HDAC9: variants seen among roughly 807,000 people sequenced by gnomAD.
HDAC9 encodes MEF-2 interacting transcription repressor (MITR) protein.
In HDAC9, 41 loss-of-function variants were observed where a neutral mutation model predicts 139.4. That is an observed-to-expected ratio of 0.29 (90% CI 0.23 to 0.38). The LOEUF (loss-of-function observed/expected upper bound fraction) is 0.38, where lower values mean the gene tolerates loss of function less well. Ranked by LOEUF, HDAC9 falls within the 10% of genes least tolerant of loss-of-function variation. The pLI is 1.00. For synonymous variants in HDAC9, 517 were observed against 476.2 expected, an observed-to-expected ratio of 1.09 and a Z score of -1.12; for missense variants, 1,147 against 1,297.0, an observed-to-expected ratio of 0.88 and a Z score of 1.78.
chr7:18,256,781 A>G (rs537513362), intron 2 of HDAC9, among the ~76,000 whole-genome samples: 1 of 152,222 alleles, frequency 6.6e-6, no homozygotes, highest in African/African-American at 2.4e-5. Flanking sequence ...ACAGGATTTT[A>G]AGTTTGTTTA....
chr7:18,251,039 A>T (rs1794884666), intron 2 of HDAC9, among the ~76,000 whole-genome samples: 1 of 152,218 alleles, frequency 6.6e-6, no homozygotes, highest in African/African-American at 2.4e-5. Context: ...TCATTCTATT[A>T]TAAAAATACA....
At chr7:18,369,503 C>T (rs1259030648) in intron 1 of HDAC9, among the ~76,000 whole-genome samples, 1 of 150,306 alleles carries the variant, frequency 6.7e-6, no homozygotes, top group East Asian at 1.9e-4. Context: ...TTTTTCTTCT[C>T]TTTTAAATAT....
intron 2 of HDAC9, among the ~76,000 whole-genome samples, chr7:18,255,960 A>G (rs1795214012): frequency 6.6e-6 from 1 of 152,202 alleles, no homozygotes; most frequent in Middle Eastern, 3.4e-3. Flanking sequence ...TCATCATGTG[A>G]TGTGATTAAG....
chr7:18,523,745 G>C (rs1805842077), intron 2 of HDAC9, among the ~76,000 whole-genome samples: 1 of 152,124 alleles, frequency 6.6e-6, no homozygotes, highest in Non-Finnish European at 1.5e-5. Context: ...CATGAGTTGG[G>C]AGAGAAAGGT....
chr7:18,540,140 G>A (rs1812323801), intron 2 of HDAC9, among the ~76,000 whole-genome samples: 1 of 150,680 alleles, frequency 6.6e-6, no homozygotes, highest in South Asian at 2.1e-4. Context: ...AGGAATTGTG[G>A]TGGGTGCCTG....
intron 25 of HDAC9, among the ~76,000 whole-genome samples, chr7:18,992,497 C>T (rs1181809964): frequency 1.3e-5 from 2 of 152,088 alleles, no homozygotes; most frequent in African/African-American, 2.4e-5. Context: ...ATGTAACAGG[C>T]ATTGTATTGC....
chr7:18,159,828 T>G lies in HDAC9; in HGVS notation c.-96-2401T>G, dbSNP rs757660344. 2.6e-5 allele frequency among the ~76,000 whole-genome samples: 4 copies of G among 152,210 alleles called. No individual in the cohort carries two copies. In the South Asian group the frequency reaches 6.2e-4, roughly 24 times the overall value. On this transcript the variant is annotated intron_variant, in intron 1 of 12. Transcript: ENST00000417496. The stretch of plus-strand genomic sequence containing the variant: ...ATTCAGATAACATTTTCATAAATGT[T>G]AGACCAATGTGTCATGTGGAGGCAG...
intron 2 of HDAC9, among the ~76,000 whole-genome samples, chr7:18,177,486 A>C (rs1268260687): frequency 6.6e-6 from 1 of 152,118 alleles, no homozygotes; most frequent in Non-Finnish European, 1.5e-5. Context: ...TCTGTTCAAC[A>C]TGTAGAGCTG....
intron 17 of HDAC9, among the ~76,000 whole-genome samples, chr7:18,794,485 C>G (rs1242632761): frequency 1.3e-5 from 2 of 152,110 alleles, no homozygotes; most frequent in African/African-American, 4.8e-5. Context: ...AGAGTCAGAG[C>G]CTACGGAAAT....
At chr7:18,269,358 T>G (rs1216037811) in intron 2 of HDAC9, among the ~76,000 whole-genome samples, 1 of 152,168 alleles carries the variant, frequency 6.6e-6, no homozygotes, top group Admixed American at 6.5e-5. Flanking sequence ...TAAGAGGTAA[T>G]TTTCCAAGCA....
rs536653591 is a variant in HDAC9 at position 18,946,838 on chromosome 7, A to T, written c.2938-7308A>T. On this transcript the variant is annotated intron_variant, in intron 23 of 25. Coordinates refer to ENST00000686413, the MANE Select transcript of HDAC9 (RefSeq NM_178425.4). The stretch of plus-strand genomic sequence containing the variant: ...AATTTAAATATATAATGGAGTATAT[A>T]TCCCCTAACATGACAGAATATCATT... Among the ~76,000 whole-genome samples, 9 of 152,206 alleles carry T rather than the reference A, an allele frequency of 5.9e-5. No individual in the cohort carries two copies. The East Asian group carries it at 1.7e-3, about 29-fold the overall frequency.
At chr7:18,976,162 T>A (rs576918457) in intron 25 of HDAC9, among the ~76,000 whole-genome samples, 1 of 152,330 alleles carries the variant, frequency 6.6e-6, no homozygotes, top group East Asian at 1.9e-4. Flanking sequence ...CTGGAGCATG[T>A]GGTTGCAGTT....
intron 21 of HDAC9, among the ~76,000 whole-genome samples, chr7:18,855,725 A>G (rs751194195): frequency 3.3e-5 from 5 of 151,998 alleles, no homozygotes; most frequent in Non-Finnish European, 7.4e-5. Context: ...GGAGAGGGGA[A>G]GAAAAGAGGG....
chr7:18,162,145 C>A, intron 1 of HDAC9: 3 of 599,242 alleles, frequency 5.0e-6, no homozygotes, highest in Middle Eastern at 2.6e-4. Context: ...TGAGTCGACA[C>A]TCAAGGCCAG....
chr7:18,453,792 T>C (rs1270128368), intron 1 of HDAC9, among the ~76,000 whole-genome samples: 1 of 152,188 alleles, frequency 6.6e-6, no homozygotes, highest in Non-Finnish European at 1.5e-5. Flanking sequence ...TGGAACTAAA[T>C]TATCAATATT....
intron 22 of HDAC9, among the ~76,000 whole-genome samples, chr7:18,905,073 T>C (rs1024065478): frequency 1.3e-5 from 2 of 151,466 alleles, no homozygotes; most frequent in African/African-American, 4.9e-5. Flanking sequence ...TAATTTTTGG[T>C]TTTTTAGCAA....
intron 22 of HDAC9, among the ~76,000 whole-genome samples, chr7:18,879,900 G>A (rs113863801): frequency 1.3e-5 from 2 of 152,082 alleles, no homozygotes; most frequent in Non-Finnish European, 2.9e-5. Flanking sequence ...GTAAATTTTT[G>A]CAAACTATGC....
At chr7:18,115,926 C>T (rs968831574) in intron 1 of HDAC9, among the ~76,000 whole-genome samples, 1 of 152,184 alleles carries the variant, frequency 6.6e-6, no homozygotes, top group African/African-American at 2.4e-5. Flanking sequence ...TATCTGACAC[C>T]ATGTGGACCC....
intron 1 of HDAC9, among the ~76,000 whole-genome samples, chr7:18,456,664 CCTCT>C (rs1032893977): frequency 2.0e-5 from 3 of 152,034 alleles, no homozygotes; most frequent in Non-Finnish European, 4.4e-5. Flanking sequence ...TAAGGTTTGG[CCTCT>C]CTATTTCAGT....
Sources: gnomAD v4.1 joint callset for allele counts (sites outside exome capture counted in the v4.1 genomes callset) on GRCh38, gnomAD v4.1.1 for gene constraint, MANE v1.5 for transcripts, NCBI Gene and HGNC (gene_info 2026-07-23, HGNC 2026-07-21) for gene names.